RNF130: variants seen among roughly 807,000 people sequenced by gnomAD.
The protein encoded by RNF130 is E3 ubiquitin-protein ligase RNF130.
A neutral mutation model predicts 44.6 loss-of-function variants in RNF130; 21 were observed. The ratio of observed to expected loss-of-function variants is 0.47; its 90% CI spans 0.33 to 0.68. RNF130 has a LOEUF of 0.68. Among genes scored for constraint, RNF130 ranks in the 30% least tolerant of loss-of-function variants. The pLI, the probability that RNF130 is intolerant of heterozygous loss-of-function variation, is 0.02. For synonymous variants in RNF130, 214 were observed against 210.4 expected (o/e 1.02, Z -0.15); for missense variants, 479 against 560.6 (o/e 0.85, Z 1.47).
intron 2 of RNF130, among the ~76,000 whole-genome samples, chr5:180,024,624 A>G (rs1446967590): frequency 6.6e-6 from 1 of 152,228 alleles, no homozygotes; most frequent in African/African-American, 2.4e-5. Context: ...TCGGATAAAT[A>G]AATGTTGAGA....
intron 2 of RNF130, among the ~76,000 whole-genome samples, chr5:180,028,718 TAC>T (rs755525447): frequency 6.6e-6 from 1 of 152,192 alleles, no homozygotes; most frequent in Non-Finnish European, 1.5e-5. Flanking sequence ...TACAAATCCC[TAC>T]AGTGTCCATC....
chr5:179,920,037 C>T, exon 8 of RNF130: 1 of 386,592 alleles, frequency 2.6e-6, no homozygotes, highest in Non-Finnish European at 4.8e-6. Flanking sequence ...AATCCTGGGC[C>T]CGGCCTCTTC....
intron 1 of RNF130, among the ~76,000 whole-genome samples, chr5:180,056,123 A>C (rs1764815485): frequency 6.6e-6 from 1 of 151,982 alleles, no homozygotes; most frequent in Non-Finnish European, 1.5e-5. Flanking sequence ...CAAACAAACC[A>C]TCACCACCAA....
At chr5:180,067,965 A>G (rs772244299) in intron 1 of RNF130, among the ~76,000 whole-genome samples, 2 of 152,250 alleles carry the variant, frequency 1.3e-5, no homozygotes, top group Non-Finnish European at 2.9e-5. Context: ...ATGAAAACCT[A>G]AGATTCACTT....
intron 2 of RNF130, among the ~76,000 whole-genome samples, chr5:180,019,769 C>T (rs1763830693): frequency 6.6e-6 from 1 of 152,186 alleles, no homozygotes; most frequent in African/African-American, 2.4e-5. Context: ...AAAATATAGA[C>T]CTGCTGTCAC....
intron 1 of RNF130, among the ~76,000 whole-genome samples, chr5:180,065,531 CA>C (rs1381537696): frequency 1.3e-5 from 2 of 152,148 alleles, no homozygotes; most frequent in Non-Finnish European, 2.9e-5. Flanking sequence ...GAGGCCGAGA[CA>C]GGCGGATCAT....
intron 1 of RNF130, among the ~76,000 whole-genome samples, chr5:180,069,460 G>A (rs973728884): frequency 2.6e-5 from 4 of 151,052 alleles, no homozygotes; most frequent in Admixed American, 6.6e-5. Flanking sequence ...GACGGACACA[G>A]AATGACCCCT....
At chr5:179,963,792 C>A in intron 7 of RNF130, 1 of 545,576 alleles carries the variant, frequency 1.8e-6, no homozygotes, top group Non-Finnish European at 3.3e-6. Flanking sequence ...TCAACCATTT[C>A]TTCCATTTAG....
At chr5:179,951,469 C>T (rs926407543), downstream of RNF130, among the ~76,000 whole-genome samples, 13 of 151,966 alleles carry the variant, frequency 8.6e-5, no homozygotes, top group African/African-American at 2.7e-4. Flanking sequence ...TTGCAAACTC[C>T]GCCTCCCGGG....
At chr5:179,983,058 T>C (rs1762873740) in intron 3 of RNF130, among the ~76,000 whole-genome samples, 1 of 152,200 alleles carries the variant, frequency 6.6e-6, no homozygotes, top group Admixed American at 6.5e-5. Flanking sequence ...TATTTCTGAG[T>C]TGTTTTGTAT....
At chr5:179,964,302 G>C (rs1261573367) in intron 7 of RNF130, 1 of 152,182 alleles carries the variant, frequency 6.6e-6, no homozygotes. Flanking sequence ...ATGTTTACTA[G>C]ACTGTCTCTC....
intron 1 of RNF130, among the ~76,000 whole-genome samples, chr5:180,062,147 C>T (rs1765001810): frequency 1.3e-5 from 2 of 151,820 alleles, no homozygotes; most frequent in South Asian, 4.2e-4. Flanking sequence ...CTCTGCCTCC[C>T]AGGTTCAAGC....
intron 7 of RNF130, among the ~76,000 whole-genome samples, chr5:179,937,902 A>ATG (rs1761915338): frequency 7.0e-5 from 7 of 100,580 alleles, no homozygotes; most frequent in Non-Finnish European, 1.0e-4. Context: ...CTTTCAATGA[A>ATG]TCTGTGTGTG....
At chr5:180,046,772 G>C (rs577446485) in intron 1 of RNF130, among the ~76,000 whole-genome samples, 3 of 152,126 alleles carry the variant, frequency 2.0e-5, no homozygotes, top group African/African-American at 7.2e-5. Flanking sequence ...GACTGAGTTG[G>C]GTGCTTTTTT....
intron 2 of RNF130, among the ~76,000 whole-genome samples, chr5:180,025,369 C>A (rs1763961803): frequency 6.6e-6 from 1 of 152,174 alleles, no homozygotes; most frequent in South Asian, 2.1e-4. Flanking sequence ...AAGAGAAGCA[C>A]AGAAAAGACA....
intron 2 of RNF130, among the ~76,000 whole-genome samples, chr5:180,020,397 G>C (rs925887568): frequency 6.6e-6 from 1 of 152,126 alleles, no homozygotes; most frequent in Admixed American, 6.5e-5. Flanking sequence ...TGGTGTGGAC[G>C]TGCTGTACGC....
At chr5:179,968,747 C>T (rs1762512629) in intron 6 of RNF130, among the ~76,000 whole-genome samples, 1 of 151,626 alleles carries the variant, frequency 6.6e-6, no homozygotes, top group Non-Finnish European at 1.5e-5. Context: ...TTAGACCAGT[C>T]TGAAATGGGG....
chr5:179,935,764 C>T (rs1190867218), intron 7 of RNF130, among the ~76,000 whole-genome samples: 3 of 144,064 alleles, frequency 2.1e-5, no homozygotes, highest in Non-Finnish European at 4.5e-5. Flanking sequence ...GCTATGCTGG[C>T]CTAGAGATCA....
chr5:179,933,866 A>C, intron 7 of RNF130: 2 of 786,928 alleles, frequency 2.5e-6, no homozygotes, highest in Non-Finnish European at 4.2e-6. Context: ...TTCATGGTCC[A>C]TGTTGCCAGC....
Sources: allele counts gnomAD v4.1 joint callset (sites outside exome capture counted in the v4.1 genomes callset), GRCh38; gene constraint gnomAD v4.1.1; transcripts MANE v1.5; gene names NCBI Gene and HGNC (gene_info 2026-07-23, HGNC 2026-07-21).